Variants in ZNF329 observed in about 807,000 individuals in gnomAD.
The protein encoded by ZNF329 is zinc finger protein 329.
ZNF329 carries 15 observed loss-of-function variants against 26.6 expected under a neutral mutation model. The observed-to-expected ratio is 0.56, with a 90% CI of 0.38 to 0.87. The LOEUF (loss-of-function observed/expected upper bound fraction) is 0.87. Among genes scored for constraint, ZNF329 ranks in the 40% least tolerant of loss-of-function variants. ZNF329 has a pLI of 0.00. For missense variants in ZNF329, 651 were observed against 651.9 expected, an observed-to-expected ratio of 1.00 and a Z score of 0.02; for synonymous variants, 239 against 233.5, an observed-to-expected ratio of 1.02 and a Z score of -0.21.
In ZNF329 at chr19:58,129,481, C is replaced by T. The variant is rs371224762; in HGVS notation, c.23G>A (p.Arg8Gln). The T allele has an allele frequency of 2.6e-5, 42 of 1,594,538 alleles. 1 individual carries two copies. The highest frequency in any genetic ancestry group is 2.3e-4 in the South Asian group (21 of 89,382). MRLKMTT[R>Q]NFPEREVPCD... is the part of the protein sequence containing the mutation. ...GGGTACTTCTCTCTCAGGAAAATTC[C>T]GAGTCGTCATTTTCAATCTCATATC... The change falls in exon 4 of 4, where the codon CGG (arginine) becomes CAG (glutamine). Residue 8 changes from arginine to glutamine, a missense_variant. Physicochemically the swap from Arg to Gln is conservative, Grantham distance 43. Coordinates refer to ENST00000598312, the MANE Select transcript of ZNF329 (RefSeq NM_024620.4).
chr19:58,150,154 CA>C (rs942555731), intron 1 of ZNF329, among the ~76,000 whole-genome samples: 17 of 152,184 alleles, frequency 1.1e-4, no homozygotes, highest in African/African-American at 3.6e-4. Flanking sequence ...GAAAAGACAG[CA>C]AAATGGTCAC....
intron 3 of ZNF329, among the ~76,000 whole-genome samples, chr19:58,138,245 T>A (rs1476553558): frequency 6.6e-6 from 1 of 152,132 alleles, no homozygotes; most frequent in Non-Finnish European, 1.5e-5. Flanking sequence ...ATGATCAAAA[T>A]ACTCTCAGAT....
In ZNF329 at chr19:58,147,932, G is replaced by A. The variant is rs567473905; in HGVS notation, c.-208+2820C>T. On this transcript the variant is annotated intron_variant, in intron 1 of 3. Coordinates refer to ENST00000598312, the MANE Select transcript of ZNF329 (RefSeq NM_024620.4). ...AATGAGAACGGGCCATGATGACAAT[G>A]GCGGTTTTGTGGAATAGAAAGGGGG... Among the ~76,000 whole-genome samples the A allele has an allele frequency of 4.6e-3, 695 of 151,994 alleles. 6 individuals are homozygous for A. Among genetic ancestry groups the A allele is most frequent in the African/African-American group, 0.016 (645 of 41,254 alleles).
chr19:58,151,462 G>T (rs1235291898), upstream of ZNF329, among the ~76,000 whole-genome samples: 1 of 151,982 alleles, frequency 6.6e-6, no homozygotes, highest in Non-Finnish European at 1.5e-5. Context: ...TTAGCTAGGC[G>T]TGGTGGCAGG....
rs768654317 is a variant in ZNF329 at position 58,128,611 on chromosome 19, C to T, written c.893G>A (p.Arg298Gln). The change falls in exon 4 of 4, where the codon CGA becomes CAA. Residue 298 changes from arginine to glutamine, a missense_variant. Physicochemically the swap from Arg to Gln is conservative, Grantham distance 43. Coordinates refer to ENST00000598312, the MANE Select transcript of ZNF329 (RefSeq NM_024620.4). ...ECLECGKTFN[R>Q]NSSLILHQRT... is the part of the protein sequence containing the mutation. ...TTGGTGCAAAATTAAGGATGAATTT[C>T]GGTTGAAGGTTTTTCCACACTCTAG... The T allele has an allele frequency of 3.7e-6, 6 of 1,610,022 alleles. No individual in the cohort carries two copies. Among genetic ancestry groups the T allele is most frequent in the South Asian group, 3.3e-5 (3 of 90,568 alleles).
In ZNF329 at chr19:58,128,082, C is replaced by G. The variant is rs746800374; in HGVS notation, c.1422G>C (p.Gln474His). Residue 474 changes from glutamine (Q) to histidine (H), a missense_variant, in exon 4 of 4, where the codon CAG becomes CAC. Coordinates refer to ENST00000598312, the MANE Select transcript of ZNF329 (RefSeq NM_024620.4). ...ATGGGGTCTCCTTAGTGTGAATTCT[C>G]TGGTGCTTGGTCAGACAGGAGCTGT... is the stretch of plus-strand genomic sequence containing the variant. Reference protein sequence around the residue: ...FRDSSCLTKHQRIHTKETPYQ... With the variant: ...FRDSSCLTKHHRIHTKETPYQ... The G allele has an allele frequency of 6.2e-7, 1 of 1,609,756 alleles. No homozygotes were observed. The highest frequency in any genetic ancestry group is 1.1e-5 in the South Asian group (1 of 90,576).
chr19:58,129,475 A>G lies in ZNF329; in HGVS notation c.29T>C (p.Phe10Ser). MRLKMTTRN[F>S]PEREVPCDVE... ...ATCACAGGGTACTTCTCTCTCAGGA[A>G]AATTCCGAGTCGTCATTTTCAATCT... is the stretch of plus-strand genomic sequence containing the variant. Residue 10 changes from phenylalanine (F) to serine (S), a missense_variant, in exon 4 of 4, where the codon TTT becomes TCT. Physicochemically the swap from Phe to Ser is radical, Grantham distance 155 (BLOSUM62 -2). Transcript: ENST00000598312. The G allele has an allele frequency of 6.3e-7, 1 of 1,598,112 alleles. No individual in the cohort carries two copies. The highest frequency in any genetic ancestry group is 8.5e-7 in the Non-Finnish European group (1 of 1,171,964).
At chr19:58,138,936 A>T (rs114380625) in intron 3 of ZNF329, among the ~76,000 whole-genome samples, 2,327 of 152,130 alleles carry the variant, frequency 0.015, 47 homozygotes, top group African/African-American at 0.052. Context: ...GGCGGAGGAG[A>T]CAGAGCAAGA....
chr19:58,147,196 G>A (rs1417601860), intron 1 of ZNF329, among the ~76,000 whole-genome samples: 10 of 150,536 alleles, frequency 6.6e-5, no homozygotes, highest in South Asian at 2.1e-4. Flanking sequence ...GCCTCTGCCC[G>A]GCCGCGACCC....
chr19:58,137,520 C>T lies in ZNF329; in HGVS notation c.-9+5037G>A, dbSNP rs137922389. Among the ~76,000 whole-genome samples the T allele has an allele frequency of 6.6e-3, 1,006 of 151,920 alleles. 6 individuals carry two copies. Among genetic ancestry groups the T allele is most frequent in the Middle Eastern group, 0.024 (7 of 292 alleles). ...AGTGAGCCGAGATCGTGCCACTGCA[C>T]TCTAGCCTGGGTGACAGAGCAAGAC... On this transcript the variant is annotated intron_variant, in intron 3 of 3. Coordinates refer to ENST00000598312, the MANE Select transcript of ZNF329 (RefSeq NM_024620.4).
intron 3 of ZNF329, among the ~76,000 whole-genome samples, chr19:58,141,823 G>A (rs934462454): frequency 2.0e-5 from 3 of 151,918 alleles, no homozygotes; most frequent in African/African-American, 7.2e-5. Context: ...AACCCAAGAG[G>A]CGGAGGTTGC....
chr19:58,147,936 G>A, intron 1 of ZNF329, among the ~76,000 whole-genome samples: 1 of 152,102 alleles, frequency 6.6e-6, no homozygotes, highest in Non-Finnish European at 1.5e-5. Context: ...GACAATGGCG[G>A]TTTTGTGGAA....
chr19:58,142,872 A>G (rs1367785637), intron 2 of ZNF329, among the ~76,000 whole-genome samples: 1 of 152,080 alleles, frequency 6.6e-6, no homozygotes, highest in African/African-American at 2.4e-5. Flanking sequence ...GCCAACAAGA[A>G]AGTCTGGGAG....
intron 1 of ZNF329, among the ~76,000 whole-genome samples, chr19:58,146,652 C>G (rs1012948107): frequency 2.0e-5 from 3 of 151,620 alleles, no homozygotes; most frequent in African/African-American, 7.2e-5. Context: ...ACCTCCCTGC[C>G]TGATTCTCCC....
At chr19:58,144,394 A>ATTTTTTTTT (rs932312099) in intron 1 of ZNF329, among the ~76,000 whole-genome samples, 1 of 113,500 alleles carries the variant, frequency 8.8e-6, no homozygotes, top group African/African-American at 3.5e-5. Context: ...ATATATATAT[A>ATTTTTTTTT]TATTTTTTTT....
chr19:58,133,235 C>T (rs1418741493), intron 3 of ZNF329, among the ~76,000 whole-genome samples: 2 of 152,168 alleles, frequency 1.3e-5, no homozygotes, highest in African/African-American at 4.8e-5. Context: ...ACTTTCAAAG[C>T]ACTGAAGGAA....
intron 1 of ZNF329, 147 bp from the exon 2 acceptor site, chr19:58,143,345 G>A (rs1379873955): frequency 6.6e-6 from 1 of 152,208 alleles, no homozygotes; most frequent in Non-Finnish European, 1.5e-5. Context: ...GCTGGGTACT[G>A]AAACCAGGAC....
intron 3 of ZNF329, among the ~76,000 whole-genome samples, chr19:58,129,833 C>A (rs2074897477): frequency 6.6e-6 from 1 of 152,192 alleles, no homozygotes; most frequent in South Asian, 2.1e-4. Context: ...AATTCCATCC[C>A]AGCCACTGCA....
intron 1 of ZNF329, among the ~76,000 whole-genome samples, chr19:58,150,480 G>A (rs1272382063): frequency 6.6e-6 from 1 of 152,242 alleles, no homozygotes; most frequent in Non-Finnish European, 1.5e-5. Context: ...TGACGCTAAG[G>A]AAAGAGCGGG....
Sources: gnomAD v4.1 joint callset for allele counts (sites outside exome capture counted in the v4.1 genomes callset) on GRCh38, gnomAD v4.1.1 for gene constraint, MANE v1.5 for transcripts, NCBI Gene and HGNC (gene_info 2026-07-23, HGNC 2026-07-21) for gene names.